Variants in SLC17A4 observed in about 807,000 individuals in gnomAD.
The protein encoded by SLC17A4 is solute carrier family 17 member 4.
SLC17A4 carries 33 observed loss-of-function variants against 52.5 expected under a neutral mutation model. That is an observed-to-expected ratio of 0.63 (90% CI 0.48 to 0.84). SLC17A4 has a LOEUF of 0.84. Among genes scored for constraint, SLC17A4 ranks in the 40% least tolerant of loss-of-function variants. The pLI, the probability that SLC17A4 is intolerant of heterozygous loss-of-function variation, is 0.00. For missense variants in SLC17A4, 585 were observed against 597.1 expected, an observed-to-expected ratio of 0.98 and a Z score of 0.21; for synonymous variants, 225 against 216.2, an observed-to-expected ratio of 1.04 and a Z score of -0.36.
At chr6:25,778,511 G>T (rs1763125419) in intron 11 of SLC17A4, among the ~76,000 whole-genome samples, 1 of 152,064 alleles carries the variant, frequency 6.6e-6, no homozygotes, top group Non-Finnish European at 1.5e-5. Context: ...TGTTTCTCCT[G>T]TCATTCAATG....
At position 25,781,172 on chromosome 6, in the gene SLC17A4, AGCAG is replaced by A. The variant is rs1459843413; in HGVS notation, c.*1985_*1988del. 4.9e-5 allele frequency: 4 copies of A among 81,904 alleles called. No homozygotes were observed. 5.1% of individuals were successfully genotyped at this position (81,904 alleles called of 1,614,324 possible). A position where few individuals can be genotyped will look rare whatever the true frequency, so the allele number is the denominator to read the frequency against. ...TTTAATGGTCAGCTGGAGGATGATTAGCAGAAAGAAAGAAAGAAAGAAAGAAAGA... is the reference window on the plus strand; with the variant it reads ...TTTAATGGTCAGCTGGAGGATGATTAAAAGAAAGAAAGAAAGAAAGAAAGA... On this transcript the variant is annotated 3_prime_UTR_variant, in exon 12 of 12. Transcript: ENST00000377905.
At position 25,773,562 on chromosome 6, in the gene SLC17A4, TACC is replaced by T; in HGVS notation, c.878_880del (p.Pro293del). The T allele has an allele frequency of 6.2e-7, 1 of 1,613,982 alleles. No homozygotes were observed. Among genetic ancestry groups the T allele is most frequent in the Non-Finnish European group, 8.5e-7 (1 of 1,179,904 alleles). On this transcript the variant is annotated inframe_deletion, in exon 8 of 12. Coordinates refer to ENST00000377905, the MANE Select transcript of SLC17A4 (RefSeq NM_005495.3). Reference sequence around the variant, plus strand: ...CCCATTAGGGCTATGATCAAATCCTTACCACTCTGGGCCATTTTAGTCTCTTAT... The same window carrying T: ...CCCATTAGGGCTATGATCAAATCCTTACTCTGGGCCATTTTAGTCTCTTAT...
intron 2 of SLC17A4, among the ~76,000 whole-genome samples, chr6:25,767,351 A>G (rs1028024757): frequency 6.6e-6 from 1 of 152,168 alleles, no homozygotes; most frequent in Non-Finnish European, 1.5e-5. Flanking sequence ...TCCCAATAAT[A>G]CGAAGGTGGT....
chr6:25,761,679 T>A (rs1202008989), intron 1 of SLC17A4, among the ~76,000 whole-genome samples: 1 of 152,152 alleles, frequency 6.6e-6, no homozygotes, highest in East Asian at 1.9e-4. Flanking sequence ...GATATTACAA[T>A]TTATGAAGGC....
Position 25,770,151 on chromosome 6 carries a change from A to G in SLC17A4, c.382A>G (p.Ser128Gly). 1.2e-6 allele frequency: 2 copies of G among 1,613,966 alleles called. No homozygotes were observed. Among genetic ancestry groups the G allele is most frequent in the Non-Finnish European group, 1.7e-6 (2 of 1,179,968 alleles). Residue 128 changes from serine to glycine, a missense_variant, in exon 4 of 12, where the codon AGT becomes GGT. By Grantham distance (56) the Ser-to-Gly change is moderately conservative. Coordinates refer to ENST00000377905, the MANE Select transcript of SLC17A4 (RefSeq NM_005495.3). ...TGGCTCATTCTTGGCTCCAATCCCC[A>G]GTGGCTATGTGGCTGGAATATTTGG... ...NYGSFLAPIPSGYVAGIFGAK... is the reference protein window; with the variant it reads ...NYGSFLAPIPGGYVAGIFGAK...
chr6:25,768,745 C>G (rs909003298), intron 2 of SLC17A4, among the ~76,000 whole-genome samples: 3 of 152,146 alleles, frequency 2.0e-5, no homozygotes, highest in African/African-American at 4.8e-5. Flanking sequence ...AAGCTCTCCC[C>G]TAATGCTTGT....
intron 2 of SLC17A4, among the ~76,000 whole-genome samples, chr6:25,768,153 G>C (rs565093619): frequency 8.8e-4 from 134 of 152,240 alleles, no homozygotes; most frequent in African/African-American, 2.6e-3. Flanking sequence ...GGCTGGGTTG[G>C]GGATGGGGAA....
intron 11 of SLC17A4, 102 bp from the exon 12 acceptor site, chr6:25,778,952 G>T: frequency 1.4e-6 from 2 of 1,464,402 alleles, no homozygotes; most frequent in Non-Finnish European, 1.9e-6. Flanking sequence ...AGCCAGAGTG[G>T]AGGTCGGGGA....
chr6:25,775,760 T>C (rs1296018940), intron 8 of SLC17A4, among the ~76,000 whole-genome samples: 2 of 152,204 alleles, frequency 1.3e-5, no homozygotes, highest in African/African-American at 2.4e-5. Context: ...TCTTTGTTTC[T>C]TTATGAGAAT....
At chr6:25,769,311 A>ATTCC in intron 3 of SLC17A4, 121 bp downstream of exon 3, 9 of 944,126 alleles carry the variant, frequency 9.5e-6, no homozygotes, top group African/African-American at 1.6e-5. Flanking sequence ...TGTGCCAGGA[A>ATTCC]TGGCACAAGT....
At chr6:25,760,283 TA>T (rs764156672) in intron 1 of SLC17A4, among the ~76,000 whole-genome samples, 13 of 152,342 alleles carry the variant, frequency 8.5e-5, no homozygotes, top group Non-Finnish European at 1.8e-4. Context: ...TACTGTATTT[TA>T]TTTTTTTATT....
chr6:25,775,952 A>G (rs532565050), intron 8 of SLC17A4, among the ~76,000 whole-genome samples: 12 of 152,312 alleles, frequency 7.9e-5, no homozygotes, highest in African/African-American at 2.9e-4. Flanking sequence ...ATCTTTGAGC[A>G]ATGCTGCAGT....
intron 2 of SLC17A4, among the ~76,000 whole-genome samples, chr6:25,767,321 TTAAGAA>T (rs534212700): frequency 4.5e-4 from 68 of 152,164 alleles, no homozygotes; most frequent in Non-Finnish European, 8.2e-4. Flanking sequence ...TAATAGCCTA[TTAAGAA>T]TAAGAAGAGA....
chr6:25,771,819 A>C (rs4712972), intron 6 of SLC17A4, among the ~76,000 whole-genome samples: 1 of 151,924 alleles, frequency 6.6e-6, no homozygotes. Flanking sequence ...TGAGGTTCAG[A>C]AGTGGACATA....
rs1367682677 is a variant in SLC17A4, at chr6:25,770,291, C to T, written c.522C>T (p.Gly174=). ...TCATTGTCCTCCGGATTGTACAAGG[C>T]ATAGCCCAGGTACCAAGATGTTTTC... is the stretch of plus-strand genomic sequence containing the variant. ...ALLIVLRIVQ[G]IAQVMVLTGQ... is the part of the protein sequence containing the mutation. Residue 174 remains glycine, a synonymous_variant, in exon 4 of 12, where the codon GGC becomes GGT. Coordinates refer to ENST00000377905, the MANE Select transcript of SLC17A4 (RefSeq NM_005495.3). The T allele has an allele frequency of 6.2e-7, 1 of 1,613,970 alleles. No homozygotes were observed. The highest frequency in any genetic ancestry group is 1.1e-5 in the South Asian group (1 of 91,078).
chr6:25,760,701 C>T (rs893061890), intron 1 of SLC17A4, among the ~76,000 whole-genome samples: 1 of 152,170 alleles, frequency 6.6e-6, no homozygotes, highest in African/African-American at 2.4e-5. Flanking sequence ...ATTTACATAG[C>T]TCATTACCGT....
chr6:25,759,178 G>C (rs9358887), intron 1 of SLC17A4, among the ~76,000 whole-genome samples: 8 of 151,856 alleles, frequency 5.3e-5, no homozygotes, highest in African/African-American at 1.9e-4. Flanking sequence ...ATATAATTTC[G>C]ATTTCCTTAA....
chr6:25,761,894 C>A, intron 1 of SLC17A4, 33 bp from the exon 2 acceptor site: 1 of 1,275,066 alleles, frequency 7.8e-7, no homozygotes, highest in Non-Finnish European at 1.1e-6. Context: ...TAAGATTCTC[C>A]CTGTATTTTC....
At chr6:25,769,306 CAGGA>C in intron 3 of SLC17A4, 116 bp downstream of exon 3, 9 of 982,800 alleles carry the variant, frequency 9.2e-6, no homozygotes, top group Non-Finnish European at 1.2e-5. Context: ...TACTATGTGC[CAGGA>C]ATGGCACAAG....
Sources: allele counts gnomAD v4.1 joint callset (sites outside exome capture counted in the v4.1 genomes callset), GRCh38; gene constraint gnomAD v4.1.1; transcripts MANE v1.5; gene names NCBI Gene and HGNC (gene_info 2026-07-23, HGNC 2026-07-21).